NRXN3: variants seen among roughly 807,000 people sequenced by gnomAD.
The protein encoded by NRXN3 is neurexin III.
Under a neutral mutation model 137.6 loss-of-function variants are expected in NRXN3, and 32 were observed. The ratio of observed to expected loss-of-function variants is 0.23; its 90% CI spans 0.18 to 0.31. The LOEUF is 0.31. NRXN3 is among the 10% of genes least tolerant of loss of function. The probability of loss-of-function intolerance (pLI) is 1.00; values close to 1 mark genes in which losing one functional copy is unlikely to be tolerated. For synonymous variants in NRXN3, 798 were observed against 784.5 expected (o/e 1.02, Z -0.29); for missense variants, 1,574 against 2,062.5 (o/e 0.76, Z 4.59).
intron 6 of NRXN3, among the ~76,000 whole-genome samples, chr14:78,669,555 A>G (rs978171606): frequency 1.1e-4 from 17 of 152,126 alleles, no homozygotes; most frequent in African/African-American, 3.9e-4. Context: ...ACCGTGCTAC[A>G]CAGGTAGTTT....
At chr14:78,377,874 T>C (rs994871623) in intron 4 of NRXN3, among the ~76,000 whole-genome samples, 1 of 152,188 alleles carries the variant, frequency 6.6e-6, no homozygotes, top group Non-Finnish European at 1.5e-5. Flanking sequence ...GGAAACATAA[T>C]TTAGTCCATA....
intron 15 of NRXN3, among the ~76,000 whole-genome samples, chr14:79,017,621 A>C (rs1218539356): frequency 6.6e-6 from 1 of 152,104 alleles, no homozygotes; most frequent in African/African-American, 2.4e-5. Context: ...TACTGGAGCA[A>C]ATTATAACCG....
At chr14:79,591,853 T>C (rs985066430) in intron 16 of NRXN3, among the ~76,000 whole-genome samples, 1 of 152,200 alleles carries the variant, frequency 6.6e-6, no homozygotes, top group Non-Finnish European at 1.5e-5. Context: ...TAGACCCGAT[T>C]TCTTACACTG....
At chr14:78,624,809 T>TTG (rs56948487) in intron 4 of NRXN3, among the ~76,000 whole-genome samples, 10,172 of 149,312 alleles carry the variant, frequency 0.068, 657 homozygotes, top group African/African-American at 0.17. Flanking sequence ...TCCTGTTCCT[T>TTG]TGTGTGTGTG....
At chr14:78,315,067 A>C (rs1386349873) in intron 4 of NRXN3, among the ~76,000 whole-genome samples, 1 of 148,802 alleles carries the variant, frequency 6.7e-6, no homozygotes, top group African/African-American at 2.5e-5. Flanking sequence ...GCTGGAGTGC[A>C]GTGGCATGAT....
chr14:78,497,576 GTCCATTCATCCA>G (rs2095806142), intron 4 of NRXN3, among the ~76,000 whole-genome samples: 1 of 149,662 alleles, frequency 6.7e-6, no homozygotes, highest in African/African-American at 2.5e-5. Context: ...TAATCTGTCT[GTCCATTCATCCA>G]TCCATCCATC....
At chr14:78,663,618 T>C (rs2097857952) in intron 6 of NRXN3, among the ~76,000 whole-genome samples, 1 of 152,226 alleles carries the variant, frequency 6.6e-6, no homozygotes, top group Non-Finnish European at 1.5e-5. Flanking sequence ...TTTAATGCCT[T>C]CAAAACACCC....
At chr14:78,233,884 A>T in intron 1 of NRXN3, among the ~76,000 whole-genome samples, 1 of 152,042 alleles carries the variant, frequency 6.6e-6, no homozygotes, top group Non-Finnish European at 1.5e-5. Context: ...TATTCTCCCT[A>T]AGCAGTCCCT....
At chr14:79,556,731 T>C (rs1186620595) in intron 16 of NRXN3, among the ~76,000 whole-genome samples, 2 of 152,130 alleles carry the variant, frequency 1.3e-5, no homozygotes, top group South Asian at 2.1e-4. Context: ...AAAAATTATT[T>C]TTTGTGTAAA....
intron 15 of NRXN3, among the ~76,000 whole-genome samples, chr14:79,456,401 G>T (rs1238896370): frequency 1.3e-5 from 2 of 152,074 alleles, no homozygotes; most frequent in Non-Finnish European, 2.9e-5. Flanking sequence ...AACTAGCTTA[G>T]ACTACATGAG....
rs139723044 is a variant in NRXN3 at position 79,663,903 on chromosome 14, C to T, written c.3570C>T (p.Ala1190=). 5.2e-4 allele frequency: 842 copies of T among 1,613,558 alleles called. 5 individuals carry two copies. In the Middle Eastern group the frequency reaches 7.1e-3, roughly 14 times the overall value. The stretch of plus-strand genomic sequence containing the variant: ...GCTTCACCAGGAACGGCGGCAACGC[C>T]ACCCTGCAGGTGGACAACTGGCCAG... ...VVRFTRNGGN[A]TLQVDNWPVN... is the part of the protein sequence containing the mutation. Residue 1190 remains alanine (A), a synonymous_variant, in exon 17 of 21, where the codon GCC becomes GCT. Coordinates refer to ENST00000335750, the MANE Select transcript of NRXN3 (RefSeq NM_001330195.2).
intron 20 of NRXN3, among the ~76,000 whole-genome samples, chr14:79,818,333 G>A (rs560558738): frequency 2.0e-5 from 3 of 152,166 alleles, no homozygotes; most frequent in South Asian, 2.1e-4. Flanking sequence ...GATTACAGGC[G>A]TGAGCCACCG....
At chr14:79,680,877 C>T (rs1216085627) in intron 17 of NRXN3, among the ~76,000 whole-genome samples, 1 of 152,100 alleles carries the variant, frequency 6.6e-6, no homozygotes, top group African/African-American at 2.4e-5. Context: ...TAAGTAGGTC[C>T]TTGTCCCTTT....
chr14:79,454,187 G>A (rs1024033194), intron 15 of NRXN3, among the ~76,000 whole-genome samples: 32 of 152,042 alleles, frequency 2.1e-4, no homozygotes, highest in Middle Eastern at 3.4e-3. Flanking sequence ...AGGTTCAAGC[G>A]ATTCTGTTGC....
At position 78,252,149 on chromosome 14, in the gene NRXN3, GT is replaced by G. The variant is rs997591905; in HGVS notation, c.709+8354del. ...GTTCCTAAATAATGTATTTTCCAAA[GT>G]TTTTTTCTTTTTTTTTTTTTTAAAT... On this transcript the variant is annotated intron_variant, in intron 2 of 20. Coordinates refer to ENST00000335750, the MANE Select transcript of NRXN3 (RefSeq NM_001330195.2). Among the ~76,000 whole-genome samples, 256 of 150,904 alleles carry G rather than the reference GT, an allele frequency of 1.7e-3. 2 individuals carry two copies. Among genetic ancestry groups the G allele is most frequent in the African/African-American group, 6.0e-3 (245 of 40,894 alleles).
intron 15 of NRXN3, among the ~76,000 whole-genome samples, chr14:79,003,824 G>A (rs1003383609): frequency 6.6e-6 from 1 of 152,082 alleles, no homozygotes; most frequent in Non-Finnish European, 1.5e-5. Flanking sequence ...CGAACATTAG[G>A]GGATTCGACC....
chr14:78,525,980 G>A (rs77236002), intron 4 of NRXN3, among the ~76,000 whole-genome samples: 2 of 152,130 alleles, frequency 1.3e-5, no homozygotes, highest in African/African-American at 4.8e-5. Context: ...TGACTGAAAG[G>A]GGATTCATAA....
At chr14:79,157,341 G>C (rs1177295955) in intron 15 of NRXN3, among the ~76,000 whole-genome samples, 2 of 151,770 alleles carry the variant, frequency 1.3e-5, no homozygotes, top group Non-Finnish European at 2.9e-5. Context: ...TTCTGGTCAA[G>C]CTCAGTGGTT....
chr14:79,783,794 C>T (rs2099121188), intron 19 of NRXN3, among the ~76,000 whole-genome samples: 1 of 152,164 alleles, frequency 6.6e-6, no homozygotes, highest in South Asian at 2.1e-4. Flanking sequence ...CCTTAGCACT[C>T]ATTTTGTGAG....
Sources: allele counts gnomAD v4.1 joint callset (sites outside exome capture counted in the v4.1 genomes callset), GRCh38; gene constraint gnomAD v4.1.1; transcripts MANE v1.5; gene names NCBI Gene and HGNC (gene_info 2026-07-23, HGNC 2026-07-21).